PRKCD: variants seen among roughly 807,000 people sequenced by gnomAD.
PRKCD encodes protein kinase C delta.
A neutral mutation model predicts 82.2 loss-of-function variants in PRKCD; 20 were observed. That is an observed-to-expected ratio of 0.24 (90% CI 0.17 to 0.35). The LOEUF (loss-of-function observed/expected upper bound fraction) is 0.35, where lower values mean the gene tolerates loss of function less well. PRKCD is among the 10% of genes least tolerant of loss of function. The pLI is 1.00. For synonymous variants in PRKCD, 317 were observed against 337.0 expected (o/e 0.94, Z 0.65); for missense variants, 607 against 899.0 (o/e 0.68, Z 4.15).
At chr3:53,180,570 C>T (rs1283238958) in intron 4 of PRKCD, among the ~76,000 whole-genome samples, 2 of 152,196 alleles carry the variant, frequency 1.3e-5, no homozygotes, top group African/African-American at 4.8e-5. Context: ...TGATCAGCCT[C>T]CTGCGAGGGG....
intron 9 of PRKCD, 40 bp downstream of exon 9, chr3:53,183,621 C>T (rs1553668296): frequency 6.2e-7 from 1 of 1,608,254 alleles, no homozygotes; most frequent in South Asian, 1.1e-5. Flanking sequence ...GAGGGGCACT[C>T]CCAGCTGGTG....
intron 9 of PRKCD, among the ~76,000 whole-genome samples, chr3:53,184,405 G>A (rs2107271835): frequency 6.6e-6 from 1 of 151,784 alleles, no homozygotes; most frequent in African/African-American, 2.4e-5. Flanking sequence ...GCCGGGCGTG[G>A]TGGCTCACAC....
chr3:53,174,271 A>G (rs1346338784), intron 2 of PRKCD, among the ~76,000 whole-genome samples: 1 of 152,202 alleles, frequency 6.6e-6, no homozygotes, highest in Non-Finnish European at 1.5e-5. Flanking sequence ...TTTGTGCTTC[A>G]TAAAGCTGCC....
Position 53,192,298 on chromosome 3 carries a change from T to A in PRKCD, c.*32T>A, listed in dbSNP as rs1575547405. The A allele has an allele frequency of 1.2e-6, 2 of 1,609,934 alleles. No individual in the cohort carries two copies. Among genetic ancestry groups the A allele is most frequent in the Middle Eastern group, 1.7e-4 (1 of 6,040 alleles). ...TGGACAGATCAGGCTAGCCCTGCCC[T>A]CCACCCACACCTGCCCGCTCCCCAC... On this transcript the variant is annotated 3_prime_UTR_variant, in exon 19 of 19. Transcript: ENST00000330452.
In PRKCD at chr3:53,186,359, G is replaced by A. The variant is rs41275531; in HGVS notation, c.1260+19G>A. The A allele has an allele frequency of 0.063, 100,997 of 1,612,930 alleles. 4,840 individuals carry two copies. The highest frequency in any genetic ancestry group is 0.24 in the African/African-American group (18,285 of 74,820). ...GACCAAGGTGCCCGGGCCTCCTGCC[G>A]TCACCACCCCATGCCACAGCCATGT... On this transcript the variant is annotated intron_variant, in intron 13 of 18. Transcript: ENST00000330452.
At chr3:53,179,553 C>A (rs782646085) in intron 3 of PRKCD, 24 bp from the exon 4 acceptor site, 16 of 1,613,998 alleles carry the variant, frequency 9.9e-6, no homozygotes, top group Non-Finnish European at 1.3e-5. Flanking sequence ...ATGGCCCAAC[C>A]TTCTCTGCCT....
At chr3:53,171,302 C>A (rs1703021345) in intron 2 of PRKCD, among the ~76,000 whole-genome samples, 1 of 152,184 alleles carries the variant, frequency 6.6e-6, no homozygotes, top group African/African-American at 2.4e-5. Context: ...CTGGTGGCCT[C>A]CCTCCAAGGA....
intron 7 of PRKCD, 51 bp downstream of exon 7, chr3:53,181,783 G>T (rs7630325): frequency 1.2e-6 from 2 of 1,612,600 alleles, no homozygotes; most frequent in South Asian, 2.2e-5. Context: ...GTGTGCTCAC[G>T]TGTGCCAGTG....
At chr3:53,178,150 C>G (rs1440236059) in intron 2 of PRKCD, among the ~76,000 whole-genome samples, 4 of 152,108 alleles carry the variant, frequency 2.6e-5, no homozygotes, top group African/African-American at 9.7e-5. Context: ...GTTGGTCAGG[C>G]TGGTCTCAAA....
intron 2 of PRKCD, among the ~76,000 whole-genome samples, chr3:53,177,230 T>C (rs1334835947): frequency 6.6e-6 from 1 of 152,186 alleles, no homozygotes; most frequent in African/African-American, 2.4e-5. Context: ...CCTCAAGCGA[T>C]CCTCTTACCT....
chr3:53,176,574 C>A (rs1281307168), intron 2 of PRKCD, among the ~76,000 whole-genome samples: 1 of 152,244 alleles, frequency 6.6e-6, no homozygotes, highest in African/African-American at 2.4e-5. Context: ...TGCACAAAAT[C>A]GAATGAGCGC....
Position 53,183,505 on chromosome 3 carries a change from C to G in PRKCD, c.711C>G (p.Asn237Lys). The G allele has an allele frequency of 6.2e-7, 1 of 1,614,236 alleles. No individual in the cohort carries two copies. The highest frequency in any genetic ancestry group is 8.5e-7 in the Non-Finnish European group (1 of 1,180,030). ...IDMPHRFKVHNYMSPTFCDHC... is the reference protein window; with the variant it reads ...IDMPHRFKVHKYMSPTFCDHC... ...TGCCGCACCGCTTCAAGGTTCACAA[C>G]TACATGAGCCCCACCTTCTGTGACC... The change falls in exon 9 of 19, where the codon AAC becomes AAG. Residue 237 changes from asparagine to lysine, a missense_variant. Asn to Lys is a moderately conservative substitution (Grantham distance 94, BLOSUM62 0). Coordinates refer to ENST00000330452, the MANE Select transcript of PRKCD (RefSeq NM_006254.4).
At chr3:53,161,979 A>C (rs1702680123) in intron 1 of PRKCD, among the ~76,000 whole-genome samples, 1 of 149,138 alleles carries the variant, frequency 6.7e-6, no homozygotes, top group African/African-American at 2.5e-5. Flanking sequence ...CGCGGGGCCC[A>C]GGCCAGGCCG....
chr3:53,182,403 G>A (rs143052840), intron 7 of PRKCD, among the ~76,000 whole-genome samples: 7,123 of 152,106 alleles, frequency 0.047, 226 homozygotes, highest in Middle Eastern at 0.11. Flanking sequence ...TGAGTAGCTG[G>A]GATTACAGGC....
chr3:53,169,255 A>G lies in PRKCD; in HGVS notation c.-20+4040A>G, dbSNP rs1408284686. 6.6e-6 allele frequency among the ~76,000 whole-genome samples: 1 copy of G among 152,038 alleles called. No homozygotes were observed. The highest frequency in any genetic ancestry group is 2.4e-5 in the African/African-American group (1 of 41,380). On this transcript the variant is annotated intron_variant, in intron 2 of 18. Transcript: ENST00000330452. This position sits in a 1 kb window ranked among gnomAD's most constrained non-coding sequence, Gnocchi z 4.7. The stretch of plus-strand genomic sequence containing the variant: ...CTGGAGTCATTCATGTGGTGAAGCC[A>G]GGGAGGCAGGTGGGGCCACAAGCCT...
intron 2 of PRKCD, 70 bp downstream of exon 2, chr3:53,165,285 T>G (rs1440551800): frequency 1.3e-5 from 2 of 152,534 alleles, no homozygotes; most frequent in African/African-American, 4.8e-5. Flanking sequence ...CTCTTTGTCC[T>G]TTGCTGTGGA....
intron 1 of PRKCD, among the ~76,000 whole-genome samples, chr3:53,162,333 C>A (rs1191511863): frequency 6.6e-6 from 1 of 152,068 alleles, no homozygotes; most frequent in Non-Finnish European, 1.5e-5. Context: ...CGGAACTGCT[C>A]CCACTTCCCC....
intron 11 of PRKCD, 39 bp downstream of exon 11, chr3:53,185,739 C>T: frequency 1.3e-6 from 2 of 1,594,296 alleles, no homozygotes; most frequent in Middle Eastern, 1.7e-4. Context: ...GTTTTTATTC[C>T]CCCTGAGGCC....
chr3:53,173,208 C>T (rs1703097841), intron 2 of PRKCD, among the ~76,000 whole-genome samples: 1 of 152,232 alleles, frequency 6.6e-6, no homozygotes, highest in Admixed American at 6.5e-5. Context: ...TGTGGATGTG[C>T]AGCACACATA....
Sources: gnomAD v4.1 joint callset for allele counts (sites outside exome capture counted in the v4.1 genomes callset) on GRCh38, gnomAD v4.1.1 for gene constraint, Gnocchi (gnomAD v3.1) non-coding constraint, MANE v1.5 for transcripts, NCBI Gene and HGNC (gene_info 2026-07-23, HGNC 2026-07-21) for gene names.